The following MRPL24 variants were observed in gnomAD, a reference collection of about 807,000 sequenced individuals.
MRPL24 encodes the protein large ribosomal subunit protein uL24m.
In MRPL24, 15 loss-of-function variants were observed where a neutral mutation model predicts 26.9. The observed-to-expected ratio is 0.56, with a 90% CI of 0.37 to 0.86. The LOEUF (loss-of-function observed/expected upper bound fraction) is 0.86. MRPL24 is among the 40% of genes least tolerant of loss of function. MRPL24 has a pLI of 0.00. For missense variants in MRPL24, 241 were observed against 281.4 expected (o/e 0.86, Z 1.03); for synonymous variants, 92 against 102.4 (o/e 0.90, Z 0.62).
chr1:156,739,536 C>T (rs560066166), intron 1 of MRPL24, among the ~76,000 whole-genome samples: 2 of 152,166 alleles, frequency 1.3e-5, no homozygotes, highest in South Asian at 4.2e-4. Context: ...AAAATGAACC[C>T]TAACTTCAAA....
chr1:156,740,285 A>G (rs1025368472), intron 1 of MRPL24: 10 of 152,130 alleles, frequency 6.6e-5, no homozygotes, highest in African/African-American at 1.7e-4. Context: ...GAACAGTGAG[A>G]TACTGGCTCA....
At position 156,737,444 on chromosome 1, in the gene MRPL24, A is replaced by G. The variant is rs1314713510; in HGVS notation, c.605T>C (p.Met202Thr). ...KTLQEEVMEA[M>T]GIKETRKYKK... is the part of the protein sequence containing the mutation. ...GTATTTCCGGGTCTCCTTGATCCCCATGGCCTCCATCACCTCCTCCTGCAG... is the reference window on the plus strand; with the variant it reads ...GTATTTCCGGGTCTCCTTGATCCCCGTGGCCTCCATCACCTCCTCCTGCAG... Residue 202 changes from methionine to threonine, a missense_variant, in exon 6 of 6, where the codon ATG (methionine) becomes ACG (threonine). Physicochemically the swap from Met to Thr is moderately conservative, Grantham distance 81. Coordinates refer to ENST00000361531, the MANE Select transcript of MRPL24 (RefSeq NM_145729.3). 1.2e-6 allele frequency: 2 copies of G among 1,611,396 alleles called. No homozygotes were observed. The highest frequency in any genetic ancestry group is 1.7e-6 in the Non-Finnish European group (2 of 1,178,908).
At chr1:156,738,215 TG>T in intron 3 of MRPL24, 81 bp from the exon 4 acceptor site, 1 of 1,557,848 alleles carries the variant, frequency 6.4e-7, no homozygotes. Flanking sequence ...CAGCCCAAGT[TG>T]AAAAGTAGAA....
At chr1:156,740,214 T>C (rs1487908993) in intron 1 of MRPL24, among the ~76,000 whole-genome samples, 1 of 152,176 alleles carries the variant, frequency 6.6e-6, no homozygotes, top group African/African-American at 2.4e-5. Flanking sequence ...TTTTGTTCCT[T>C]CCCGTAACGT....
rs1212465409 is a variant in MRPL24, at chr1:156,738,353, C to T, written c.269G>A (p.Gly90Glu). The T allele has an allele frequency of 2.5e-6, 4 of 1,614,136 alleles. No individual in the cohort carries two copies. The highest frequency in any genetic ancestry group is 3.4e-6 in the Non-Finnish European group (4 of 1,180,012). Residue 90 changes from glycine to glutamate, a missense_variant, in exon 3 of 6, where the codon GGG becomes GAG. Coordinates refer to ENST00000361531, the MANE Select transcript of MRPL24 (RefSeq NM_145729.3). ...CCTCTCTCAACTTACTGTGTTCAGC[C>T]CTCCCACGACCACCCAGTTTCGCTG... is the stretch of plus-strand genomic sequence containing the variant. ...IRQRNWVVVG[G>E]LNTHYRYIGK...
At position 156,738,328 on chromosome 1, in the gene MRPL24, CCT is replaced by C. The variant is rs749099500; in HGVS notation, c.279+13_279+14del. On this transcript the variant is annotated intron_variant, in intron 3 of 5. Transcript: ENST00000361531. ...ACAGGCTTCCTGAGCATCCCCATCC[CCT>C]CTCTCAACTTACTGTGTTCAGCCCT... 6 of 1,612,668 alleles carry C rather than the reference CCT, an allele frequency of 3.7e-6. No individual in the cohort carries two copies. In the East Asian group the frequency reaches 6.7e-5, roughly 18 times the overall value.
chr1:156,737,335 AAAG>A lies in MRPL24; in HGVS notation c.*60_*62del. 2 of 1,514,912 alleles carry A rather than the reference AAAG, an allele frequency of 1.3e-6. No homozygotes were observed. Among genetic ancestry groups the A allele is most frequent in the Non-Finnish European group, 1.8e-6 (2 of 1,136,406 alleles). The allele number at this position is 1,514,912 out of a possible 1,614,324, so 93.8% of individuals were successfully genotyped here. A position where few individuals can be genotyped will look rare whatever the true frequency, so the allele number is the denominator to read the frequency against. ...AAAGTGCTCTTTATTGGCATCTGAA[AAAG>A]AAGTGCCTCAGCCTTCAAGGCTGGG... On this transcript the variant is annotated 3_prime_UTR_variant, in exon 6 of 6. Coordinates refer to ENST00000361531, the MANE Select transcript of MRPL24 (RefSeq NM_145729.3).
rs752089163 is a variant in MRPL24, at chr1:156,737,739, C to T, written c.421G>A (p.Gly141Arg). ...TEIEWRFTEA[G>R]ERVRVSTRSG... ...CGTGTGGAGACTCGTACCCGCTCTCCTGCTTCAGTAAATCTCCACTCGATC... is the reference window on the plus strand; with the variant it reads ...CGTGTGGAGACTCGTACCCGCTCTCTTGCTTCAGTAAATCTCCACTCGATC... The change falls in exon 5 of 6, where the codon GGA (glycine) becomes AGA (arginine). Residue 141 changes from glycine to arginine, a missense_variant. Transcript: ENST00000361531. 1.4e-5 allele frequency: 23 copies of T among 1,614,090 alleles called. No individual in the cohort carries two copies. In the African/African-American group the frequency reaches 2.4e-4, roughly 17 times the overall value.
Position 156,739,091 on chromosome 1 carries a change from C to T in MRPL24, c.-60-327G>A, listed in dbSNP as rs570035386. Reference sequence around the variant, plus strand: ...AATACTTATTAAATCAATGTATGAACAGCAGGATAGGAAGAAAACAGAGGA... The same window carrying T: ...AATACTTATTAAATCAATGTATGAATAGCAGGATAGGAAGAAAACAGAGGA... On this transcript the variant is annotated intron_variant, in intron 1 of 5. Coordinates refer to ENST00000361531, the MANE Select transcript of MRPL24 (RefSeq NM_145729.3). 4.6e-5 allele frequency among the ~76,000 whole-genome samples: 7 copies of T among 152,268 alleles called. No homozygotes were observed. The South Asian group carries it at 1.4e-3, about 32-fold the overall frequency.
Position 156,737,711 on chromosome 1 carries a change from G to A in MRPL24, c.449C>T (p.Ser150Leu). The change falls in exon 5 of 6, where the codon TCA becomes TTA. Residue 150 changes from serine to leucine, a missense_variant. By Grantham distance (145) the Ser-to-Leu change is moderately radical (BLOSUM62 -2). Coordinates refer to ENST00000361531, the MANE Select transcript of MRPL24 (RefSeq NM_145729.3). Reference sequence around the variant, plus strand: ...TTCGGGTTTAGGGATAATTCTCCCTGATCGTGTGGAGACTCGTACCCGCTC... The same window carrying A: ...TTCGGGTTTAGGGATAATTCTCCCTAATCGTGTGGAGACTCGTACCCGCTC... ...AGERVRVSTR[S>L]GRIIPKPEFP... The A allele has an allele frequency of 6.2e-7, 1 of 1,614,122 alleles. No individual in the cohort carries two copies.
At position 156,737,771 on chromosome 1, in the gene MRPL24, G is replaced by A. The variant is rs1251708294; in HGVS notation, c.389C>T (p.Pro130Leu). The A allele has an allele frequency of 1.2e-6, 2 of 1,613,992 alleles. No individual in the cohort carries two copies. Among genetic ancestry groups the A allele is most frequent in the African/African-American group, 1.3e-5 (1 of 74,914 alleles). The change falls in exon 5 of 6, where the codon CCC becomes CTC. Residue 130 changes from proline (P) to leucine (L), a missense_variant. Coordinates refer to ENST00000361531, the MANE Select transcript of MRPL24 (RefSeq NM_145729.3). ...AGTAAATCTCCACTCGATCTCAGTG[G>A]GTTTCCTGGTGGATAGAAGAGGTGA... ...VKLVDPMDRKPTEIEWRFTEA... is the reference protein window; with the variant it reads ...VKLVDPMDRKLTEIEWRFTEA...
In MRPL24 at chr1:156,738,128, G is replaced by C; in HGVS notation, c.286C>G (p.Arg96Gly). 1.2e-6 allele frequency: 2 copies of C among 1,614,118 alleles called. No homozygotes were observed. Among genetic ancestry groups the C allele is most frequent in the South Asian group, 1.1e-5 (1 of 91,082 alleles). Residue 96 changes from arginine to glycine, a missense_variant, in exon 4 of 6, where the codon CGC becomes GGC. Arg to Gly is a moderately radical substitution (Grantham distance 125). Transcript: ENST00000361531. Reference protein sequence around the residue: ...VVVGGLNTHYRYIGKTMDYRG... With the variant: ...VVVGGLNTHYGYIGKTMDYRG... ...TAATCCATGGTCTTGCCAATGTAGC[G>C]GTAATGCTGTCCAAGAGAGGGGAGT... is the stretch of plus-strand genomic sequence containing the variant.
intron 1 of MRPL24, chr1:156,740,791 G>A (rs1650066225): frequency 6.6e-6 from 1 of 152,356 alleles, no homozygotes. Flanking sequence ...GTCCCGCAGT[G>A]GGGTTTTCCC....
At chr1:156,742,111 G>C (rs369139530), upstream of MRPL24, 1 of 152,618 alleles carries the variant, frequency 6.6e-6, no homozygotes, top group African/African-American at 2.4e-5. Flanking sequence ...ATCCAATATA[G>C]TAATCAACGG....
chr1:156,740,384 A>T (rs1022734102), intron 1 of MRPL24: 1 of 152,036 alleles, frequency 6.6e-6, no homozygotes, highest in African/African-American at 2.4e-5. Context: ...CCCACCTGTT[A>T]TTTTCAATTA....
chr1:156,739,659 CTTTTT>C (rs544634044), intron 1 of MRPL24, among the ~76,000 whole-genome samples: 2 of 139,438 alleles, frequency 1.4e-5, no homozygotes, highest in African/African-American at 2.6e-5. Context: ...GGCAACTTAA[CTTTTT>C]TTTTTTTTTT....
chr1:156,738,653 G>T lies in MRPL24; in HGVS notation c.52C>A (p.His18Asn), dbSNP rs746546675. Residue 18 changes from histidine (H) to asparagine (N), a missense_variant, in exon 2 of 6, where the codon CAT becomes AAT. By Grantham distance (68) the His-to-Asn change is moderately conservative (BLOSUM62 1). Coordinates refer to ENST00000361531, the MANE Select transcript of MRPL24 (RefSeq NM_145729.3). ...ALASKVTLPPHYRYGMSPPGS... is the reference protein window; with the variant it reads ...ALASKVTLPPNYRYGMSPPGS... ...GGGGGGCTCATCCCATAGCGGTAAT[G>T]GGGGGGCAGAGTGACCTTGGATGCC... The T allele has an allele frequency of 2.5e-6, 4 of 1,601,440 alleles. No individual in the cohort carries two copies. The highest frequency in any genetic ancestry group is 2.6e-6 in the Non-Finnish European group (3 of 1,176,464).
intron 1 of MRPL24, among the ~76,000 whole-genome samples, chr1:156,739,367 T>A (rs1650004546): frequency 6.6e-6 from 1 of 152,144 alleles, no homozygotes; most frequent in Non-Finnish European, 1.5e-5. Flanking sequence ...GATTCTCAAT[T>A]AATGAGGTGG....
rs6670355 is a variant in MRPL24, at chr1:156,737,583, C to T, written c.515-49G>A. The T allele has an allele frequency of 5.6e-4, 891 of 1,604,894 alleles. 2 individuals are homozygous for T. The African/African-American group carries it at 9.4e-3, about 17-fold the overall frequency. On this transcript the variant is annotated intron_variant, in intron 5 of 5. Transcript: ENST00000361531. ...ATGGGTGGGAGGGCTTGCCAACTTT[C>T]ATTAATGTCCCCTACTCTCACTCCT...
Sources: gnomAD v4.1 joint callset for allele counts (sites outside exome capture counted in the v4.1 genomes callset) on GRCh38, gnomAD v4.1.1 for gene constraint, MANE v1.5 for transcripts, NCBI Gene and HGNC (gene_info 2026-07-23, HGNC 2026-07-21) for gene names.